The following WFDC8 variants were observed in gnomAD, a reference collection of about 807,000 sequenced individuals.
WFDC8 encodes WAP four-disulfide core domain 8.
A neutral mutation model predicts 27.0 loss-of-function variants in WFDC8; 24 were observed. The observed-to-expected ratio is 0.89, with a 90% CI of 0.64 to 1.25. WFDC8 has a LOEUF of 1.25. Ranked by LOEUF, WFDC8 falls within the 50% of genes most tolerant of loss-of-function variation. The pLI is 0.00. For missense variants in WFDC8, 287 were observed against 295.9 expected (o/e 0.97, Z 0.22); for synonymous variants, 106 against 99.7 (o/e 1.06, Z -0.38).
chr20:45,562,362 G>A (rs1021614095), intron 1 of WFDC8, 143 bp from the exon 2 acceptor site: 1 of 671,950 alleles, frequency 1.5e-6, no homozygotes, highest in African/African-American at 1.8e-5. Context: ...GAAGGAGTCT[G>A]TCTGAGGTCA....
At position 45,577,850 on chromosome 20, in the gene WFDC8, T is replaced by C. The variant is rs191667604; in HGVS notation, c.26+1372A>G. Among the ~76,000 whole-genome samples, 939 of 148,888 alleles carry C rather than the reference T, an allele frequency of 6.3e-3. 19 individuals carry two copies. Among genetic ancestry groups the C allele is most frequent in the African/African-American group, 0.022 (898 of 41,090 alleles). ...GGTGAAACCCTGTCTCTACTAAAAA[T>C]ACAAAAATTAGCCTGGAGTGGTGGT... On this transcript the variant is annotated intron_variant, in intron 1 of 5. Coordinates refer to ENST00000289953, the MANE Select transcript of WFDC8 (RefSeq NM_130896.3).
intron 1 of WFDC8, among the ~76,000 whole-genome samples, chr20:45,571,912 A>G (rs1980880294): frequency 6.6e-6 from 1 of 152,166 alleles, no homozygotes; most frequent in Non-Finnish European, 1.5e-5. Context: ...TATCTTGGCT[A>G]TTGTGAGTAA....
At position 45,552,181 on chromosome 20, in the gene WFDC8, G is replaced by A. The variant is rs746077419; in HGVS notation, c.587-16C>T. On this transcript the variant is annotated splice_polypyrimidine_tract_variant and intron_variant, in intron 5 of 5. Coordinates refer to ENST00000289953, the MANE Select transcript of WFDC8 (RefSeq NM_130896.3). Reference sequence around the variant, plus strand: ...CCTTTTTTGACTTTATGGGGTAAAAGAAAACACTTGACCTTGAAATACTTG... The same window carrying A: ...CCTTTTTTGACTTTATGGGGTAAAAAAAAACACTTGACCTTGAAATACTTG... 19 of 1,610,420 alleles carry A rather than the reference G, an allele frequency of 1.2e-5. No individual in the cohort carries two copies. Among genetic ancestry groups the A allele is most frequent in the Non-Finnish European group, 1.1e-5 (13 of 1,178,850 alleles).
At chr20:45,566,712 T>A (rs6104226) in intron 1 of WFDC8, among the ~76,000 whole-genome samples, 58,296 of 151,990 alleles carry the variant, frequency 0.38, 11,646 homozygotes, top group Non-Finnish European at 0.43. Context: ...CATTGCAAAA[T>A]GTTCTGCAGT....
At chr20:45,553,340 C>G (rs1406134487) in intron 4 of WFDC8, 64 bp from the exon 5 acceptor site, 15 of 1,554,760 alleles carry the variant, frequency 9.6e-6, no homozygotes, top group Non-Finnish European at 8.7e-6. Context: ...CTTCAAAGAG[C>G]CTTTCCTTCT....
rs879656493 is a variant in WFDC8 at position 45,558,870 on chromosome 20, ACTT to A, written c.256_258del (p.Lys86del). 1.2e-6 allele frequency: 2 copies of A among 1,614,178 alleles called. No homozygotes were observed. The highest frequency in any genetic ancestry group is 1.7e-6 in the Non-Finnish European group (2 of 1,180,022). On this transcript the variant is annotated inframe_deletion, in exon 3 of 6. Transcript: ENST00000289953. ...TCGCTACCTTGAAAGGGATCCATGC[ACTT>A]CTTCTGACAGGCAAAAAAGCAGCAC...
chr20:45,564,196 A>AACTAGGACAGACCTGGAAT (rs57710901), intron 1 of WFDC8, among the ~76,000 whole-genome samples: 2 of 151,980 alleles, frequency 1.3e-5, no homozygotes, highest in Admixed American at 6.6e-5. Flanking sequence ...GGCTCTGAAG[A>AACTAGGACAGACCTGGAAT]ACTAGGACAG....
intron 1 of WFDC8, among the ~76,000 whole-genome samples, chr20:45,576,265 G>T (rs1981042815): frequency 6.6e-6 from 1 of 151,374 alleles, no homozygotes; most frequent in East Asian, 1.9e-4. Flanking sequence ...TGCCTATAAT[G>T]ATGTCAATGT....
At chr20:45,566,010 C>A (rs944210161) in intron 1 of WFDC8, among the ~76,000 whole-genome samples, 2 of 152,018 alleles carry the variant, frequency 1.3e-5, no homozygotes, top group African/African-American at 4.8e-5. Context: ...TCAAACTTTC[C>A]TATATTTTGA....
chr20:45,558,402 T>A (rs1306242675), intron 3 of WFDC8, among the ~76,000 whole-genome samples: 1 of 152,214 alleles, frequency 6.6e-6, no homozygotes, highest in Non-Finnish European at 1.5e-5. Flanking sequence ...ATTTGTTGAA[T>A]GAATAAATGT....
intron 1 of WFDC8, among the ~76,000 whole-genome samples, chr20:45,565,667 A>G (rs865998327): frequency 6.6e-6 from 1 of 152,224 alleles, no homozygotes; most frequent in South Asian, 2.1e-4. Context: ...TGAGTAAGAA[A>G]TACCAAGGGG....
At chr20:45,569,176 T>C (rs1273551205) in intron 1 of WFDC8, among the ~76,000 whole-genome samples, 1 of 152,236 alleles carries the variant, frequency 6.6e-6, no homozygotes, top group Non-Finnish European at 1.5e-5. Context: ...GACCCAGGTC[T>C]TACCTCTTCA....
rs761137504 is a variant in WFDC8, at chr20:45,552,022, C to A, written c.*4G>T. The A allele has an allele frequency of 6.2e-7, 1 of 1,613,104 alleles. No homozygotes were observed. Among genetic ancestry groups the A allele is most frequent in the Admixed American group, 1.7e-5 (1 of 59,864 alleles). ...TTTTGATGATAATATTTTCTACTTACTATTCAACGTCTGGGGTCCATACAT... is the reference window on the plus strand; with the variant it reads ...TTTTGATGATAATATTTTCTACTTAATATTCAACGTCTGGGGTCCATACAT... On this transcript the variant is annotated 3_prime_UTR_variant, in exon 6 of 6. Transcript: ENST00000289953.
intron 1 of WFDC8, chr20:45,568,104 C>A: frequency 2.7e-6 from 1 of 373,960 alleles, no homozygotes; most frequent in South Asian, 2.8e-5. Context: ...TGGGAGAACC[C>A]AAGAAAAATG....
intron 2 of WFDC8, among the ~76,000 whole-genome samples, chr20:45,561,616 C>T (rs528761970): frequency 8.5e-5 from 13 of 152,266 alleles, no homozygotes; most frequent in African/African-American, 2.9e-4. Flanking sequence ...TACTACCACT[C>T]CCTCAGATCA....
intron 2 of WFDC8, 70 bp from the exon 3 acceptor site, chr20:45,559,062 G>A: frequency 6.3e-7 from 1 of 1,588,000 alleles, no homozygotes; most frequent in Non-Finnish European, 8.6e-7. Flanking sequence ...TGGCAAAGGT[G>A]TGTAGTGAAA....
chr20:45,566,074 G>A (rs771378237), intron 1 of WFDC8, among the ~76,000 whole-genome samples: 2 of 151,972 alleles, frequency 1.3e-5, no homozygotes, highest in African/African-American at 2.4e-5. Context: ...ATTAGATAAG[G>A]TCACTAAATG....
At chr20:45,551,235 G>A (rs1980022552), downstream of WFDC8, 2 of 152,152 alleles carry the variant, frequency 1.3e-5, no homozygotes, top group African/African-American at 2.4e-5. Context: ...CAAATTAGAA[G>A]AGAAAAATCA....
At chr20:45,572,438 C>T (rs1340325926) in intron 1 of WFDC8, among the ~76,000 whole-genome samples, 1 of 150,928 alleles carries the variant, frequency 6.6e-6, no homozygotes, top group African/African-American at 2.4e-5. Flanking sequence ...TTCTCCACAT[C>T]CTCATCAACA....
Sources: gnomAD v4.1 joint callset for allele counts (sites outside exome capture counted in the v4.1 genomes callset) on GRCh38, gnomAD v4.1.1 for gene constraint, MANE v1.5 for transcripts, NCBI Gene and HGNC (gene_info 2026-07-23, HGNC 2026-07-21) for gene names.